ADCY1: variants seen among roughly 807,000 people sequenced by gnomAD.
ADCY1 encodes adenylate cyclase type 1.
A neutral mutation model predicts 105.4 loss-of-function variants in ADCY1; 28 were observed. The observed-to-expected ratio is 0.27, with a 90% CI of 0.20 to 0.36. The LOEUF (loss-of-function observed/expected upper bound fraction) is 0.36. Among genes scored for constraint, ADCY1 ranks in the 10% least tolerant of loss-of-function variants. The pLI is 1.00. For synonymous variants in ADCY1, 655 were observed against 623.8 expected, an observed-to-expected ratio of 1.05 and a Z score of -0.75; for missense variants, 977 against 1,434.2, an observed-to-expected ratio of 0.68 and a Z score of 5.15.
rs1488050814 is a variant in ADCY1 at position 45,710,301 on chromosome 7, G to A, written c.2933-227G>A. Among the ~76,000 whole-genome samples, 6 of 152,136 alleles carry A rather than the reference G, an allele frequency of 3.9e-5. No individual in the cohort carries two copies. The highest frequency in any genetic ancestry group is 6.5e-5 in the Admixed American group (1 of 15,278). On this transcript the variant is annotated intron_variant, in intron 18 of 19. Coordinates refer to ENST00000297323, the MANE Select transcript of ADCY1 (RefSeq NM_021116.4). The surrounding 1 kb of genome is among the most constrained non-coding windows in gnomAD (Gnocchi z 4.7). ...GTTCCCCAGTGCAGTGGACAGTGTCGTGAGGAGACCCTGCCCAGGGGAGCC... is the reference window on the plus strand; with the variant it reads ...GTTCCCCAGTGCAGTGGACAGTGTCATGAGGAGACCCTGCCCAGGGGAGCC...
intron 17 of ADCY1, among the ~76,000 whole-genome samples, chr7:45,706,669 CCAAAAG>C (rs1293080188): frequency 1.3e-5 from 2 of 151,978 alleles, no homozygotes; most frequent in African/African-American, 4.8e-5. Context: ...AAATACAATA[CCAAAAG>C]CATGATTCAT....
Position 45,697,895 on chromosome 7 carries a change from C to T in ADCY1, c.2455-5481C>T, listed in dbSNP as rs115854921. Among the ~76,000 whole-genome samples the T allele has an allele frequency of 1.8e-3, 268 of 152,278 alleles. 1 individual carries two copies. The highest frequency in any genetic ancestry group is 6.8e-3 in the Middle Eastern group (2 of 294). On this transcript the variant is annotated intron_variant, in intron 14 of 19. Transcript: ENST00000297323. Reference sequence around the variant, plus strand: ...AGCCAGCCTCTGCATTCACCACCGCCGGTCCCAGCATTTCTGTGGGGGTTG... The same window carrying T: ...AGCCAGCCTCTGCATTCACCACCGCTGGTCCCAGCATTTCTGTGGGGGTTG...
intron 10 of ADCY1, among the ~76,000 whole-genome samples, chr7:45,678,676 T>C (rs1006299): frequency 0.71 from 105,224 of 148,122 alleles, 39,135 homozygotes; most frequent in South Asian, 0.84. Context: ...GGCCAGTAGT[T>C]CAAGACCAGC....
intron 16 of ADCY1, among the ~76,000 whole-genome samples, chr7:45,704,164 G>A (rs1480462860): frequency 1.3e-5 from 2 of 151,954 alleles, no homozygotes; most frequent in East Asian, 3.9e-4. Flanking sequence ...GTCTACAGAT[G>A]GGCAGGCAGG....
At chr7:45,625,940 C>G (rs1243224174) in intron 4 of ADCY1, among the ~76,000 whole-genome samples, 1 of 152,212 alleles carries the variant, frequency 6.6e-6, no homozygotes, top group Non-Finnish European at 1.5e-5. Flanking sequence ...ATTTGCTTCT[C>G]CCAGTGACCA....
Position 45,628,422 on chromosome 7 carries a change from A to T in ADCY1, c.1020+5679A>T, listed in dbSNP as rs147631274. On this transcript the variant is annotated intron_variant, in intron 4 of 19. Transcript: ENST00000297323. The stretch of plus-strand genomic sequence containing the variant: ...ACAGTTTGTAATGGACAGAATGGAA[A>T]CACATCTTTCTTCACACAGCAGGGA... Among the ~76,000 whole-genome samples the T allele has an allele frequency of 3.3e-3, 504 of 152,310 alleles. 2 individuals are homozygous for T. Among genetic ancestry groups the T allele is most frequent in the Middle Eastern group, 0.017 (5 of 294 alleles).
At chr7:45,660,947 C>T (rs1401137450) in intron 7 of ADCY1, among the ~76,000 whole-genome samples, 1 of 138,576 alleles carries the variant, frequency 7.2e-6, no homozygotes, top group Non-Finnish European at 1.5e-5. Context: ...GTCAGGGGTT[C>T]ATGGCTCAGG....
At chr7:45,639,337 A>C (rs1794478876) in intron 4 of ADCY1, among the ~76,000 whole-genome samples, 2 of 152,156 alleles carry the variant, frequency 1.3e-5, no homozygotes, top group African/African-American at 2.4e-5. Context: ...ATTGATGAGA[A>C]ACACCTGCCA....
chr7:45,595,220 C>T (rs1020357083), intron 2 of ADCY1, among the ~76,000 whole-genome samples: 17 of 152,156 alleles, frequency 1.1e-4, no homozygotes, highest in Non-Finnish European at 1.9e-4. Context: ...CTATAGCAGC[C>T]CAGGCCAACC....
At chr7:45,630,447 G>A (rs1203222395) in intron 4 of ADCY1, among the ~76,000 whole-genome samples, 2 of 152,180 alleles carry the variant, frequency 1.3e-5, no homozygotes, top group Admixed American at 1.3e-4. Context: ...CCCGGATTCT[G>A]AAATCAGTAT....
chr7:45,656,695 G>A (rs568626053), intron 5 of ADCY1, among the ~76,000 whole-genome samples: 6 of 152,338 alleles, frequency 3.9e-5, no homozygotes, highest in African/African-American at 7.2e-5. Context: ...CAGGCTTCTC[G>A]GGTGGGTGGC....
intron 4 of ADCY1, among the ~76,000 whole-genome samples, chr7:45,630,192 A>G (rs1362571777): frequency 1.3e-5 from 2 of 152,112 alleles, no homozygotes; most frequent in Non-Finnish European, 2.9e-5. Context: ...CAAATATATG[A>G]TCCCTGAGAC....
intron 19 of ADCY1, 93 bp from the exon 20 acceptor site, chr7:45,713,600 A>G (rs1785306906): frequency 1.0e-5 from 7 of 692,936 alleles, no homozygotes; most frequent in Admixed American, 3.9e-5. Context: ...GTCAGGGTGG[A>G]CAGCAACAGA....
chr7:45,684,821 A>G, intron 11 of ADCY1, 158 bp from the exon 12 acceptor site: 1 of 574,340 alleles, frequency 1.7e-6, no homozygotes, highest in Non-Finnish European at 3.0e-6. Context: ...GAATAAACAA[A>G]TGAAAAAAGC....
chr7:45,638,704 T>G (rs2116013443), intron 4 of ADCY1, among the ~76,000 whole-genome samples: 1 of 151,248 alleles, frequency 6.6e-6, no homozygotes, highest in East Asian at 2.0e-4. Flanking sequence ...TGCGTGTCCC[T>G]CAGATGTGCT....
rs773747794 is a variant in ADCY1 at position 45,703,490 on chromosome 7, A to G, written c.2569A>G (p.Met857Val). 3.7e-6 allele frequency: 6 copies of G among 1,614,058 alleles called. No homozygotes were observed. In the Admixed American group the frequency reaches 6.7e-5, roughly 18 times the overall value. ...CTTCCTCATGTCCAACCCTCGGAAC[A>G]TGGTGAGCACCCAGCCTGCTCCTGG... The part of the protein sequence containing the change: ...QHFLMSNPRN[M>V]DLYYQSYSQV... The change falls in exon 15 of 20, where the codon ATG becomes GTG. Residue 857 changes from methionine to valine, a missense_variant and splice_region_variant. By Grantham distance (21) the Met-to-Val change is conservative. Around this residue, in one of 7 missense-constraint regions of ADCY1, gnomAD observed 152 missense variants for 293.7 expected, o/e 0.52. Transcript: ENST00000297323. The surrounding 1 kb of genome is among the most constrained non-coding windows in gnomAD (Gnocchi z 5.9).
At chr7:45,693,375 T>G (rs1375774695) in intron 14 of ADCY1, among the ~76,000 whole-genome samples, 1 of 143,574 alleles carries the variant, frequency 7.0e-6, no homozygotes, top group Non-Finnish European at 1.5e-5. Flanking sequence ...GATTCCCTCT[T>G]TTTCTATTGA....
At chr7:45,675,126 T>C (rs1047783056) in intron 8 of ADCY1, among the ~76,000 whole-genome samples, 14 of 152,300 alleles carry the variant, frequency 9.2e-5, no homozygotes, top group Non-Finnish European at 1.6e-4. Context: ...CTGTTTTTTT[T>C]CCTATGTTGC....
Position 45,619,705 on chromosome 7 carries a change from A to G in ADCY1, c.909-2927A>G, listed in dbSNP as rs529645507. ...GTCAAATTCATAGCAGCAAAGTAGAATGGTGGTTGCTAGGGAAAGGAGGCA... is the reference window on the plus strand; with the variant it reads ...GTCAAATTCATAGCAGCAAAGTAGAGTGGTGGTTGCTAGGGAAAGGAGGCA... On this transcript the variant is annotated intron_variant, in intron 3 of 19. Coordinates refer to ENST00000297323, the MANE Select transcript of ADCY1 (RefSeq NM_021116.4). 2.0e-5 allele frequency among the ~76,000 whole-genome samples: 3 copies of G among 152,302 alleles called. No individual in the cohort carries two copies. In the South Asian group the frequency reaches 6.2e-4, roughly 32 times the overall value.
Sources: allele counts gnomAD v4.1 joint callset (sites outside exome capture counted in the v4.1 genomes callset), GRCh38; gene constraint gnomAD v4.1.1; regional missense constraint gnomAD v4.1.1; non-coding constraint Gnocchi (gnomAD v3.1); transcripts MANE v1.5; gene names NCBI Gene and HGNC (gene_info 2026-07-23, HGNC 2026-07-21).